Variants in WDR27 observed in about 807,000 individuals in gnomAD.
WDR27 encodes the protein WD repeat-containing protein 27.
Under a neutral mutation model 114.4 loss-of-function variants are expected in WDR27, and 100 were observed. The observed-to-expected ratio is 0.87, with a 90% CI of 0.74 to 1.03. The LOEUF is 1.03. Among genes scored for constraint, WDR27 ranks in the 50% least tolerant of loss-of-function variants. WDR27 has a pLI of 0.00. For synonymous variants in WDR27, 449 were observed against 423.1 expected (o/e 1.06, Z -0.75); for missense variants, 1,129 against 1,092.9 (o/e 1.03, Z -0.47).
At chr6:169,647,916 G>A in intron 15 of WDR27, 46 bp from the exon 16 acceptor site, 1 of 1,356,880 alleles carries the variant, frequency 7.4e-7, no homozygotes, top group Non-Finnish European at 1.0e-6. Context: ...CATTCACAGT[G>A]AGATTAGAAG....
rs545555304 is a variant in WDR27, at chr6:169,667,268, C to T, written c.661-81G>A. On this transcript the variant is annotated intron_variant, in intron 5 of 25. Coordinates refer to ENST00000448612, the MANE Select transcript of WDR27 (RefSeq NM_182552.5). ...CAGGTGAAGCTAACAGTACTATTCACTATCAGATTAGTCAACACAAATGGT... is the reference window on the plus strand; with the variant it reads ...CAGGTGAAGCTAACAGTACTATTCATTATCAGATTAGTCAACACAAATGGT... The T allele has an allele frequency of 2.5e-4, 329 of 1,338,958 alleles. 1 individual carries two copies. Among genetic ancestry groups the T allele is most frequent in the Non-Finnish European group, 3.1e-4 (320 of 1,041,480 alleles). 82.9% of individuals were successfully genotyped at this position (1,338,958 alleles called of 1,614,324 possible). A position where few individuals can be genotyped will look rare whatever the true frequency, so the allele number is the denominator to read the frequency against.
At chr6:169,547,189 AAC>A (rs1217367674) in intron 25 of WDR27, among the ~76,000 whole-genome samples, 1 of 152,154 alleles carries the variant, frequency 6.6e-6, no homozygotes, top group African/African-American at 2.4e-5. Flanking sequence ...TAACTTCTCA[AAC>A]CAGAAATCAC....
intron 25 of WDR27, among the ~76,000 whole-genome samples, chr6:169,548,164 T>A (rs1384995661): frequency 6.6e-6 from 1 of 152,118 alleles, no homozygotes. Context: ...GACAAAACTC[T>A]AATGAAGGAT....
rs373874850 is a variant in WDR27, at chr6:169,701,686, A to C, written c.-143T>G. The C allele has an allele frequency of 1.2e-3, 203 of 173,158 alleles. 1 individual carries two copies. In the East Asian group the frequency reaches 0.023, roughly 19 times the overall value. 10.7% of individuals were successfully genotyped at this position (173,158 alleles called of 1,614,324 possible). On this transcript the variant is annotated 5_prime_UTR_variant, in exon 1 of 26. Transcript: ENST00000448612. ...CTCGCACTAGCACGGCGTCAGGAGG[A>C]GGCTTCGGGTGACGAGACAGCGGGC...
the WDR27 span, among the ~76,000 whole-genome samples, chr6:169,440,153 A>T: frequency 1.3e-5 from 2 of 152,198 alleles, no homozygotes; most frequent in African/African-American, 4.8e-5. Flanking sequence ...TTATGTTACA[A>T]ACAAATTAGT....
intron 25 of WDR27, among the ~76,000 whole-genome samples, chr6:169,565,476 C>A (rs1800317230): frequency 6.6e-6 from 1 of 152,148 alleles, no homozygotes; most frequent in South Asian, 2.1e-4. Flanking sequence ...AACACCCCCA[C>A]CAGGTATTGG....
chr6:169,660,834 CCCCCT>C, intron 9 of WDR27, 68 bp from the exon 10 acceptor site: 1 of 1,409,256 alleles, frequency 7.1e-7, no homozygotes, highest in African/African-American at 1.4e-5. Flanking sequence ...CCCACGTGCG[CCCCCT>C]GGCCTGGCTG....
intron 25 of WDR27, among the ~76,000 whole-genome samples, chr6:169,470,876 T>A (rs779107168): frequency 2.0e-5 from 3 of 152,116 alleles, no homozygotes; most frequent in Non-Finnish European, 4.4e-5. Flanking sequence ...ATAACAAAAG[T>A]GGCATTCTGC....
chr6:169,483,848 C>T (rs1334062503), intron 25 of WDR27, among the ~76,000 whole-genome samples: 1 of 151,876 alleles, frequency 6.6e-6, no homozygotes, highest in East Asian at 1.9e-4. Context: ...AGGCTTCATC[C>T]CCAGATGCAA....
chr6:169,553,787 G>A (rs781523729), intron 25 of WDR27, among the ~76,000 whole-genome samples: 14 of 152,140 alleles, frequency 9.2e-5, no homozygotes, highest in Non-Finnish European at 1.9e-4. Context: ...AAATGGGGAC[G>A]TTACCGTTCA....
chr6:169,548,547 T>C (rs1291747757), intron 25 of WDR27, among the ~76,000 whole-genome samples: 2 of 152,192 alleles, frequency 1.3e-5, no homozygotes, highest in Non-Finnish European at 2.9e-5. Context: ...AGACCTTTCA[T>C]ATATACATAG....
intron 23 of WDR27, among the ~76,000 whole-genome samples, chr6:169,588,521 T>G (rs1354801354): frequency 5.3e-5 from 8 of 152,236 alleles, no homozygotes; most frequent in Non-Finnish European, 1.0e-4. Context: ...AAAAATCATG[T>G]ATAAGTGGAC....
At chr6:169,602,532 A>G (rs987409132) in intron 22 of WDR27, among the ~76,000 whole-genome samples, 2 of 152,244 alleles carry the variant, frequency 1.3e-5, no homozygotes, top group African/African-American at 4.8e-5. Context: ...TTAAATTCCC[A>G]AAGATGACAA....
At chr6:169,666,563 G>C (rs143062693) in intron 6 of WDR27, 169 of 985,538 alleles carry the variant, frequency 1.7e-4, no homozygotes, top group Admixed American at 1.7e-3. Context: ...GAGAGGTGCT[G>C]GGGCGTCACA....
intron 25 of WDR27, among the ~76,000 whole-genome samples, chr6:169,547,801 C>G (rs1797645621): frequency 1.3e-5 from 2 of 151,750 alleles, no homozygotes; most frequent in South Asian, 2.1e-4. Flanking sequence ...GAATTCCTAG[C>G]TAATGCAATA....
At chr6:169,647,892 C>A in intron 15 of WDR27, 22 bp from the exon 16 acceptor site, 1 of 1,503,574 alleles carries the variant, frequency 6.7e-7, no homozygotes, top group Non-Finnish European at 8.9e-7. Context: ...CCACAGGTAA[C>A]GGTGATCGGG....
intron 21 of WDR27, among the ~76,000 whole-genome samples, chr6:169,616,264 C>A (rs529685272): frequency 6.6e-6 from 1 of 152,064 alleles, no homozygotes; most frequent in African/African-American, 2.4e-5. Context: ...CCAAGGCGGG[C>A]GGATCACGAG....
At chr6:169,654,163 T>C (rs1183606653) in intron 13 of WDR27, among the ~76,000 whole-genome samples, 1 of 152,170 alleles carries the variant, frequency 6.6e-6, no homozygotes, top group Non-Finnish European at 1.5e-5. Flanking sequence ...GCAAACCAAA[T>C]TCAACAACAC....
chr6:169,695,500 C>A lies in WDR27; in HGVS notation c.-8+6051G>T, dbSNP rs1287639195. On this transcript the variant is annotated intron_variant, in intron 1 of 25. Transcript: ENST00000448612. ...AGAAACAGACATCGCTTCTCTAATC[C>A]ACAGTGTGTCCATTTTAGAGGGTAA... 2.6e-5 allele frequency among the ~76,000 whole-genome samples: 4 copies of A among 152,306 alleles called. 1 individual carries two copies. In the Middle Eastern group the frequency reaches 0.014, roughly 518 times the overall value.
Sources: allele counts gnomAD v4.1 joint callset (sites outside exome capture counted in the v4.1 genomes callset), GRCh38; gene constraint gnomAD v4.1.1; transcripts MANE v1.5; gene names NCBI Gene and HGNC (gene_info 2026-07-23, HGNC 2026-07-21).